Variants in ITIH3 observed in about 807,000 individuals in gnomAD.
The protein encoded by ITIH3 is inter-alpha-trypsin inhibitor heavy chain 3.
Under a neutral mutation model 96.5 loss-of-function variants are expected in ITIH3, and 81 were observed. The ratio of observed to expected loss-of-function variants is 0.84; its 90% CI spans 0.70 to 1.01. The LOEUF is 1.01. Ranked by LOEUF, ITIH3 falls within the 50% of genes least tolerant of loss-of-function variation. ITIH3 has a pLI of 0.00. For missense variants in ITIH3, 1,057 were observed against 1,139.3 expected (o/e 0.93, Z 1.04); for synonymous variants, 422 against 445.2 (o/e 0.95, Z 0.66).
intron 11 of ITIH3, among the ~76,000 whole-genome samples, chr3:52,801,934 C>T (rs143073056): frequency 7.0e-4 from 107 of 152,250 alleles, no homozygotes; most frequent in African/African-American, 2.3e-3. Flanking sequence ...GCAGGGCGAC[C>T]ACCCCATTCC....
intron 11 of ITIH3, chr3:52,802,128 T>C: frequency 2.0e-6 from 1 of 508,412 alleles, no homozygotes. Context: ...TCTGAAACTG[T>C]CCTTTCTAGT....
At chr3:52,796,998 A>G (rs1260561629) in intron 4 of ITIH3, 107 bp from the exon 5 acceptor site, 3 of 1,375,138 alleles carry the variant, frequency 2.2e-6, no homozygotes, top group Admixed American at 4.3e-5. Context: ...TGAGGCTCAG[A>G]ATGGTTAGGG....
intron 15 of ITIH3, 58 bp from the exon 16 acceptor site, chr3:52,805,750 G>A (rs918018863): frequency 6.2e-6 from 10 of 1,608,998 alleles, no homozygotes; most frequent in African/African-American, 2.7e-5. Flanking sequence ...AGGAAGGCAC[G>A]GGGCTGGGGG....
At chr3:52,798,808 G>A in intron 6 of ITIH3, 158 bp from the exon 7 acceptor site, 4 of 802,026 alleles carry the variant, frequency 5.0e-6, no homozygotes, top group Non-Finnish European at 5.9e-6. Context: ...CGCCACCGGC[G>A]GGCAGGGCTG....
At chr3:52,795,861 C>T (rs951183162) in intron 2 of ITIH3, 5 of 532,656 alleles carry the variant, frequency 9.4e-6, no homozygotes, top group African/African-American at 1.9e-5. Flanking sequence ...GCATCCCTTC[C>T]TTCCGCAGAC....
chr3:52,796,298 G>A (rs1348840423), intron 2 of ITIH3, among the ~76,000 whole-genome samples, 183 bp from the exon 3 acceptor site: 4 of 152,156 alleles, frequency 2.6e-5, no homozygotes, highest in East Asian at 1.9e-4. Flanking sequence ...AATAATGGTG[G>A]CCACCAGAAC....
intron 11 of ITIH3, among the ~76,000 whole-genome samples, chr3:52,801,667 G>A (rs1699835108): frequency 6.6e-6 from 1 of 152,106 alleles, no homozygotes; most frequent in Admixed American, 6.5e-5. Flanking sequence ...CTGGATGTCT[G>A]TGTCCAACTC....
intron 13 of ITIH3, among the ~76,000 whole-genome samples, 195 bp from the exon 14 acceptor site, chr3:52,803,660 G>A (rs550834970): frequency 4.7e-4 from 72 of 152,364 alleles, no homozygotes; most frequent in African/African-American, 1.7e-3. Context: ...GGTCCAGCAA[G>A]GAAACAGGGC....
intron 10 of ITIH3, 146 bp from the exon 11 acceptor site, chr3:52,800,819 A>T: frequency 2.1e-6 from 3 of 1,452,268 alleles, no homozygotes; most frequent in Non-Finnish European, 2.8e-6. Context: ...TCCCTCTGCC[A>T]GGGCTCTCCA....
At chr3:52,805,427 G>A in intron 15 of ITIH3, 1 of 1,069,258 alleles carries the variant, frequency 9.4e-7, no homozygotes, top group Non-Finnish European at 1.1e-6. Flanking sequence ...GCACGTGTGG[G>A]TGGGTGTTTA....
Position 52,806,355 on chromosome 3 carries a change from A to T in ITIH3, c.2005A>T (p.Ile669Phe). The T allele has an allele frequency of 1.2e-6, 2 of 1,613,880 alleles. No homozygotes were observed. The highest frequency in any genetic ancestry group is 1.7e-6 in the Non-Finnish European group (2 of 1,179,832). Residue 669 changes from isoleucine (I) to phenylalanine (F), a missense_variant, in exon 18 of 22, where the codon ATC (isoleucine) becomes TTC (phenylalanine). Physicochemically the swap from Ile to Phe is conservative, Grantham distance 21. Transcript: ENST00000449956. ...PEKDDALCFNIDEAPGTVLRL... is the reference protein window; with the variant it reads ...PEKDDALCFNFDEAPGTVLRL... The stretch of plus-strand genomic sequence containing the variant: ...GAAAGACGATGCCCTCTGCTTCAAC[A>T]TCGATGAAGCCCCAGGCACAGTGCT...
intron 15 of ITIH3, 163 bp from the exon 16 acceptor site, chr3:52,805,645 G>T: frequency 6.9e-7 from 1 of 1,445,824 alleles, no homozygotes; most frequent in Non-Finnish European, 9.1e-7. Context: ...TTCCCTGGAC[G>T]TGCCCGATTT....
Position 52,796,592 on chromosome 3 carries a change from GA to G in ITIH3, c.227del (p.Glu76GlyfsTer19). The G allele has an allele frequency of 2.5e-6, 4 of 1,613,468 alleles. No individual in the cohort carries two copies. Among genetic ancestry groups the G allele is most frequent in the Non-Finnish European group, 2.5e-6 (3 of 1,179,642 alleles). On this transcript the variant is annotated frameshift_variant, in exon 3 of 22. Transcript: ENST00000449956. LOFTEE classifies it high-confidence loss of function. ...RAVNRADTAK[E>X]VSFDVELPKT... ...CGTCAACCGTGCAGACACGGCCAAG[GA>G]GGTTTCCTTTGATGTGGAGCTGCCC...
intron 15 of ITIH3, chr3:52,805,306 G>C (rs965967307): frequency 3.0e-6 from 3 of 1,006,008 alleles, no homozygotes; most frequent in Admixed American, 5.4e-5. Context: ...CCTCCATTTG[G>C]ACTGGCACAT....
At position 52,796,595 on chromosome 3, in the gene ITIH3, G is replaced by A. The variant is rs758241607; in HGVS notation, c.229G>A (p.Val77Ile). ...CAACCGTGCAGACACGGCCAAGGAG[G>A]TTTCCTTTGATGTGGAGCTGCCCAA... ...AVNRADTAKEVSFDVELPKTA... is the reference protein window; with the variant it reads ...AVNRADTAKEISFDVELPKTA... Residue 77 changes from valine (V) to isoleucine (I), a missense_variant, in exon 3 of 22, where the codon GTT (valine) becomes ATT (isoleucine). Coordinates refer to ENST00000449956, the MANE Select transcript of ITIH3 (RefSeq NM_002217.4). 5.0e-6 allele frequency: 8 copies of A among 1,613,302 alleles called. No homozygotes were observed. In the South Asian group the frequency reaches 5.5e-5, roughly 11 times the overall value.
chr3:52,800,451 G>A lies in ITIH3; in HGVS notation c.1076-87G>A, dbSNP rs540277072. On this transcript the variant is annotated intron_variant, in intron 9 of 21. Transcript: ENST00000449956. ...GGTCCTTGGGCACATGAGTGGGGCCGGCTGTCCCGGCCTCCTCCGCTCCAG... is the reference window on the plus strand; with the variant it reads ...GGTCCTTGGGCACATGAGTGGGGCCAGCTGTCCCGGCCTCCTCCGCTCCAG... 39 of 1,504,436 alleles carry A rather than the reference G, an allele frequency of 2.6e-5. No homozygotes were observed. In the East Asian group the frequency reaches 4.0e-4, roughly 15 times the overall value. 93.2% of individuals were successfully genotyped at this position (1,504,436 alleles called of 1,614,324 possible).
chr3:52,803,874 GAGA>G lies in ITIH3; in HGVS notation c.1732_1734del (p.Lys578del). ...TCACAGCAAGAACGCCCATGGCGAG[GAGA>G]AGGAGAACCTCACGGCCCGGGCCCT... is the stretch of plus-strand genomic sequence containing the variant. On this transcript the variant is annotated inframe_deletion, in exon 14 of 22. Coordinates refer to ENST00000449956, the MANE Select transcript of ITIH3 (RefSeq NM_002217.4). 1.9e-6 allele frequency: 3 copies of G among 1,613,998 alleles called. No individual in the cohort carries two copies. The highest frequency in any genetic ancestry group is 2.2e-5 in the East Asian group (1 of 44,876).
chr3:52,804,769 T>C, intron 15 of ITIH3, 35 bp downstream of exon 15: 2 of 1,582,326 alleles, frequency 1.3e-6, no homozygotes, highest in Non-Finnish European at 1.7e-6. Flanking sequence ...TTGGGCATTA[T>C]GGAAGGGAGA....
chr3:52,795,085 G>A (rs546861404), intron 1 of ITIH3, among the ~76,000 whole-genome samples, 189 bp downstream of exon 1: 84 of 152,304 alleles, frequency 5.5e-4, no homozygotes, highest in Non-Finnish European at 9.4e-4. Context: ...CTAACCCTGG[G>A]AAGGCTCTTA....
Sources: gnomAD v4.1 joint callset for allele counts (sites outside exome capture counted in the v4.1 genomes callset) on GRCh38, gnomAD v4.1.1 for gene constraint, MANE v1.5 for transcripts, NCBI Gene and HGNC (gene_info 2026-07-23, HGNC 2026-07-21) for gene names.